Variants in TMEM230 observed in about 807,000 individuals in gnomAD.
TMEM230 encodes transmembrane protein 230.
TMEM230 carries 10 observed loss-of-function variants against 15.8 expected under a neutral mutation model. The ratio of observed to expected loss-of-function variants is 0.63; its 90% confidence interval spans 0.39 to 1.07. TMEM230 has a LOEUF of 1.07. Among genes scored for constraint, TMEM230 ranks in the 50% least tolerant of loss-of-function variants. TMEM230 has a pLI of 0.01. For missense variants in TMEM230, 165 were observed against 193.3 expected, an observed-to-expected ratio of 0.85 and a Z score of 0.87; for synonymous variants, 67 against 76.9, an observed-to-expected ratio of 0.87 and a Z score of 0.68.
At chr20:5,095,620 G>A (rs1462942339), downstream of TMEM230, among the ~76,000 whole-genome samples, 2 of 152,188 alleles carry the variant, frequency 1.3e-5, no homozygotes, top group Non-Finnish European at 2.9e-5. Flanking sequence ...CATTGGCACT[G>A]CCTGAGGAGG....
chr20:5,077,398 CAAAATAGACAA>C (rs1171812091), intron 3 of TMEM230, among the ~76,000 whole-genome samples: 1 of 152,098 alleles, frequency 6.6e-6, no homozygotes, highest in East Asian at 1.9e-4. Flanking sequence ...ACACAGTGAC[CAAAATAGACAA>C]AAATCTGGTC....
chr20:5,087,696 C>CTTTT (rs561757286), intron 3 of TMEM230, among the ~76,000 whole-genome samples: 2 of 99,536 alleles, frequency 2.0e-5, no homozygotes, highest in African/African-American at 3.9e-5. Context: ...GAAAGTATGG[C>CTTTT]TTTTTTTTTT....
the TMEM230 span, among the ~76,000 whole-genome samples, chr20:5,059,763 ATTTTTTTTTTT>A: frequency 6.5e-5 from 4 of 61,318 alleles, no homozygotes; most frequent in Admixed American, 2.4e-4. Flanking sequence ...CTTCCAGCTA[ATTTTTTTTTTT>A]TTTTTTTTTT....
chr20:5,102,353 A>G (rs2089905131), intron 4 of TMEM230, among the ~76,000 whole-genome samples: 1 of 152,194 alleles, frequency 6.6e-6, no homozygotes, highest in Admixed American at 6.6e-5. Context: ...AGCAGAGAGA[A>G]GCCTGGGACT....
chr20:5,060,925 T>C, the TMEM230 span: 1 of 152,194 alleles, frequency 6.6e-6, no homozygotes, highest in Non-Finnish European at 1.5e-5. Flanking sequence ...TCCAAAGCCA[T>C]ATTAGTTTAT....
chr20:5,084,606 C>T (rs2089282613), intron 3 of TMEM230, among the ~76,000 whole-genome samples: 3 of 152,134 alleles, frequency 2.0e-5, no homozygotes, highest in Non-Finnish European at 4.4e-5. Context: ...GCAATCTCTG[C>T]TCACTGCAAC....
chr20:5,111,540 TG>T lies in TMEM230; in HGVS notation c.133del (p.His45ThrfsTer20). 5.6e-6 allele frequency: 1 copy of T among 177,048 alleles called. No individual in the cohort carries two copies. Among genetic ancestry groups the T allele is most frequent in the South Asian group, 5.7e-5 (1 of 17,670 alleles). 11.0% of individuals were successfully genotyped at this position (177,048 alleles called of 1,614,324 possible). On this transcript the variant is annotated frameshift_variant, in exon 2 of 5. Transcript: ENST00000342308. LOFTEE classifies it high-confidence loss of function. ...AGAAGAATCGCTTGAAGCCAGGAGG[TG>T]GAGATTGCAGTGAGCTGAGATCACA...
intron 3 of TMEM230, among the ~76,000 whole-genome samples, chr20:5,079,817 C>A (rs947225772): frequency 6.6e-6 from 1 of 151,976 alleles, no homozygotes. Context: ...TGCAGAGGTG[C>A]GATCCTGGCT....
intron 3 of TMEM230, among the ~76,000 whole-genome samples, chr20:5,086,229 TTA>T (rs1491323917): frequency 2.9e-4 from 30 of 105,134 alleles, no homozygotes; most frequent in Non-Finnish European, 2.1e-4. Context: ...CTCATTTCTA[TTA>T]AAAAAAAAAA....
Position 5,103,318 on chromosome 20 carries a change from G to A in TMEM230, c.412-2387C>T, listed in dbSNP as rs147869568. Among the ~76,000 whole-genome samples, 610 of 152,014 alleles carry A rather than the reference G, an allele frequency of 4.0e-3. 1 individual carries two copies. Among genetic ancestry groups the A allele is most frequent in the Non-Finnish European group, 5.9e-3 (401 of 67,976 alleles). ...CTCTACCAAACAAACAAAAAAATTAGCTAGGTATGGTGACTCACACCTGTA... is the reference window on the plus strand; with the variant it reads ...CTCTACCAAACAAACAAAAAAATTAACTAGGTATGGTGACTCACACCTGTA... On this transcript the variant is annotated intron_variant, in intron 4 of 4. Coordinates refer to ENST00000342308, the MANE Select transcript of TMEM230 (RefSeq NM_001009923.2).
downstream of TMEM230, among the ~76,000 whole-genome samples, chr20:5,064,448 T>C (rs1371905728): frequency 1.3e-5 from 2 of 151,048 alleles, no homozygotes; most frequent in Non-Finnish European, 2.9e-5. Flanking sequence ...TGGTGGGGCG[T>C]GGGTGTAATC....
At chr20:5,112,601 G>T in intron 1 of TMEM230, 1 of 947,666 alleles carries the variant, frequency 1.1e-6, no homozygotes, top group East Asian at 4.8e-5. Flanking sequence ...ATCAGTCTTC[G>T]TTGCCAACAG....
intron 4 of TMEM230, among the ~76,000 whole-genome samples, chr20:5,104,838 T>C (rs1045056897): frequency 2.0e-5 from 3 of 152,202 alleles, no homozygotes; most frequent in Admixed American, 1.3e-4. Context: ...ATTGAACTCA[T>C]GGATATTGTA....
downstream of TMEM230, chr20:5,067,460 T>TATATATATATATA (rs2088685389): frequency 2.4e-4 from 28 of 119,074 alleles, no homozygotes; most frequent in South Asian, 5.5e-4. Flanking sequence ...TATATATATA[T>TATATATATATATA]TTTAAGACAG....
At chr20:5,093,759 A>C (rs1340096364) in intron 3 of TMEM230, among the ~76,000 whole-genome samples, 21 of 152,096 alleles carry the variant, frequency 1.4e-4, no homozygotes, top group Admixed American at 1.4e-3. Context: ...GCTGGTCTTC[A>C]GCTCCTGGCT....
chr20:5,069,471 G>T, intron 3 of TMEM230: 1 of 982,444 alleles, frequency 1.0e-6, no homozygotes, highest in Non-Finnish European at 1.5e-6. Flanking sequence ...CTTCCTGAAG[G>T]CCTGTGTGAG....
chr20:5,108,629 C>G (rs1179960004), intron 3 of TMEM230, among the ~76,000 whole-genome samples: 1 of 152,140 alleles, frequency 6.6e-6, no homozygotes, highest in Non-Finnish European at 1.5e-5. Context: ...ATTTTTATCT[C>G]TCCTTCAAAT....
At chr20:5,088,199 C>A (rs547422935) in intron 3 of TMEM230, among the ~76,000 whole-genome samples, 12 of 150,478 alleles carry the variant, frequency 8.0e-5, no homozygotes, top group African/African-American at 2.7e-4. Flanking sequence ...ATCCCAGCTA[C>A]TCTGGAGGCT....
chr20:5,073,347 G>T (rs571584613), intron 3 of TMEM230, among the ~76,000 whole-genome samples: 1 of 152,246 alleles, frequency 6.6e-6, no homozygotes, highest in Non-Finnish European at 1.5e-5. Flanking sequence ...GACACAGGGA[G>T]CCCTAGTTGA....
Sources: allele counts gnomAD v4.1 joint callset (sites outside exome capture counted in the v4.1 genomes callset), GRCh38; gene constraint gnomAD v4.1.1; transcripts MANE v1.5; gene names NCBI Gene and HGNC (gene_info 2026-07-23, HGNC 2026-07-21).